ATP7B: variants seen among roughly 807,000 people sequenced by gnomAD.
The protein encoded by ATP7B is copper-transporting ATPase 2.
Under a neutral mutation model 118.9 loss-of-function variants are expected in ATP7B, and 113 were observed. The ratio of observed to expected loss-of-function variants is 0.95; its 90% CI spans 0.82 to 1.11. The LOEUF (loss-of-function observed/expected upper bound fraction) is 1.11. Among genes scored for constraint, ATP7B ranks in the 50% most tolerant of loss-of-function variants. The probability of loss-of-function intolerance (pLI) is 0.00; values close to 1 mark genes in which losing one functional copy is unlikely to be tolerated. For missense variants in ATP7B, 1,867 were observed against 1,871.4 expected (o/e 1.00, Z 0.04); for synonymous variants, 777 against 727.4 (o/e 1.07, Z -1.10).
chr13:51,941,748 C>T (rs1172664201), intron 15 of ATP7B, among the ~76,000 whole-genome samples: 1 of 152,184 alleles, frequency 6.6e-6, no homozygotes, highest in African/African-American at 2.4e-5. Context: ...AACGGCCAGG[C>T]TCTGGAAGCT....
At position 51,941,094 on chromosome 13, in the gene ATP7B, C is replaced by G. The variant is rs908231616; in HGVS notation, c.3543G>C (p.Leu1181=). ...AGCAGAAGATACCGTCAATAGCCAC[C>G]AGGATGGCTGTCTGTCCTTTCATCT... ...DHEMKGQTAI[L]VAIDGVLCGM... is the part of the protein sequence containing the mutation. Residue 1181 remains leucine (L), a synonymous_variant, in exon 16 of 21, where the codon CTG becomes CTC. Coordinates refer to ENST00000242839, the MANE Select transcript of ATP7B (RefSeq NM_000053.4). 6.2e-7 allele frequency: 1 copy of G among 1,614,184 alleles called. No homozygotes were observed.
At chr13:52,011,113 C>T (rs903412650) in intron 1 of ATP7B, among the ~76,000 whole-genome samples, 174 bp downstream of exon 1, 3 of 152,234 alleles carry the variant, frequency 2.0e-5, no homozygotes, top group Non-Finnish European at 4.4e-5. Flanking sequence ...CATCAGTTGA[C>T]GGCACACTTT....
At chr13:51,996,246 T>C (rs750094914) in intron 1 of ATP7B, among the ~76,000 whole-genome samples, 5 of 152,202 alleles carry the variant, frequency 3.3e-5, no homozygotes, top group Admixed American at 2.6e-4. Flanking sequence ...CTCATCTGTT[T>C]AAGCAGCACC....
At chr13:52,007,360 G>A (rs923693069) in intron 1 of ATP7B, among the ~76,000 whole-genome samples, 4 of 152,190 alleles carry the variant, frequency 2.6e-5, no homozygotes, top group Admixed American at 2.0e-4. Context: ...AAGGTACATC[G>A]GGCAAGTTAC....
At chr13:51,953,086 G>A (rs1958108479) in intron 9 of ATP7B, among the ~76,000 whole-genome samples, 3 of 152,212 alleles carry the variant, frequency 2.0e-5, no homozygotes. Flanking sequence ...CTTTAGTGCT[G>A]GGAGTATACC....
chr13:52,008,597 C>G (rs1953885607), intron 1 of ATP7B, among the ~76,000 whole-genome samples: 1 of 152,152 alleles, frequency 6.6e-6, no homozygotes, highest in Admixed American at 6.5e-5. Flanking sequence ...AAAAGATGCT[C>G]TTATCACCAT....
rs1422348577 is a variant in ATP7B, at chr13:51,974,012, T to C, written c.1208A>G (p.Tyr403Cys). 1 of 1,614,270 alleles carries C rather than the reference T, an allele frequency of 6.2e-7. No individual in the cohort carries two copies. Among genetic ancestry groups the C allele is most frequent in the African/African-American group, 1.3e-5 (1 of 75,072 alleles). Reference sequence around the variant, plus strand: ...TTCTGGGCTAATTACAGAGGGATTATAAAGAACTGTTGCAGTCCCTTCGGC... The same window carrying C: ...TTCTGGGCTAATTACAGAGGGATTACAAAGAACTGTTGCAGTCCCTTCGGC... The part of the protein sequence containing the change: ...SLAEGTATVL[Y>C]NPSVISPEEL... The change falls in exon 2 of 21, where the codon TAT becomes TGT. Residue 403 changes from tyrosine (Y) to cysteine (C), a missense_variant. Physicochemically the swap from Tyr to Cys is radical, Grantham distance 194. Coordinates refer to ENST00000242839, the MANE Select transcript of ATP7B (RefSeq NM_000053.4).
intron 7 of ATP7B, 24 bp downstream of exon 7, chr13:51,960,124 G>C: frequency 6.2e-7 from 1 of 1,607,664 alleles, no homozygotes; most frequent in Non-Finnish European, 8.5e-7. Context: ...GAAGGGAGAG[G>C]TCTGCCCACT....
intron 3 of ATP7B, among the ~76,000 whole-genome samples, chr13:51,969,473 A>C (rs1332197539): frequency 6.6e-6 from 1 of 151,976 alleles, no homozygotes; most frequent in Non-Finnish European, 1.5e-5. Context: ...ACTTTCATAC[A>C]AGGAAAAAAT....
At chr13:51,965,757 T>G (rs933417524) in intron 4 of ATP7B, among the ~76,000 whole-genome samples, 1 of 152,084 alleles carries the variant, frequency 6.6e-6, no homozygotes, top group Non-Finnish European at 1.5e-5. Flanking sequence ...GCTGGATGGG[T>G]CCACAGCCTG....
At chr13:51,988,519 C>T (rs1348685288) in intron 1 of ATP7B, among the ~76,000 whole-genome samples, 1 of 152,054 alleles carries the variant, frequency 6.6e-6, no homozygotes, top group Non-Finnish European at 1.5e-5. Context: ...GGATCTAGAA[C>T]CAGAAATACC....
At chr13:51,975,371 A>G in intron 1 of ATP7B, 2 of 774,682 alleles carry the variant, frequency 2.6e-6, no homozygotes, top group South Asian at 2.7e-5. Flanking sequence ...CTCTGACAGA[A>G]GCTAACTGTC....
chr13:52,011,972 C>T, upstream of ATP7B: 1 of 301,588 alleles, frequency 3.3e-6, no homozygotes, highest in South Asian at 3.1e-5. Context: ...GGCTGCCGGA[C>T]GCCGTGGGTC....
intron 1 of ATP7B, among the ~76,000 whole-genome samples, chr13:51,978,286 A>C (rs1160371952): frequency 1.3e-5 from 2 of 152,218 alleles, no homozygotes; most frequent in Non-Finnish European, 2.9e-5. Flanking sequence ...AAAAAGAAAA[A>C]GGCCAACAAT....
intron 1 of ATP7B, among the ~76,000 whole-genome samples, chr13:52,009,117 T>C (rs1953909068): frequency 6.6e-6 from 1 of 152,184 alleles, no homozygotes; most frequent in Non-Finnish European, 1.5e-5. Context: ...CCCAAACTGC[T>C]TTATTTTCTT....
intron 1 of ATP7B, among the ~76,000 whole-genome samples, chr13:51,989,787 T>C (rs923185281): frequency 6.6e-5 from 10 of 152,202 alleles, no homozygotes; most frequent in Non-Finnish European, 1.2e-4. Flanking sequence ...TAACAATTAT[T>C]CCATCTAACT....
At chr13:51,966,735 A>G (rs1951569188) in intron 4 of ATP7B, 1 of 1,580,848 alleles carries the variant, frequency 6.3e-7, no homozygotes, top group Non-Finnish European at 8.6e-7. Context: ...GCCCGCCCGC[A>G]CCCACCATGG....
chr13:51,972,025 G>A (rs1051059218), intron 2 of ATP7B, among the ~76,000 whole-genome samples: 10 of 152,198 alleles, frequency 6.6e-5, no homozygotes, highest in Non-Finnish European at 1.3e-4. Flanking sequence ...ACAGAGACAC[G>A]CACGGGCAGG....
chr13:51,937,959 G>A (rs1190553667), intron 17 of ATP7B, among the ~76,000 whole-genome samples: 2 of 152,118 alleles, frequency 1.3e-5, no homozygotes, highest in African/African-American at 4.8e-5. Flanking sequence ...TTCTCCATGT[G>A]CTGCCCCCAT....
Sources: gnomAD v4.1 joint callset for allele counts (sites outside exome capture counted in the v4.1 genomes callset) on GRCh38, gnomAD v4.1.1 for gene constraint, MANE v1.5 for transcripts, NCBI Gene and HGNC (gene_info 2026-07-23, HGNC 2026-07-21) for gene names.